Variants in UBN2 observed in about 807,000 individuals in gnomAD.
UBN2 encodes the protein ubinuclein 2.
UBN2 carries 35 observed loss-of-function variants against 120.2 expected under a neutral mutation model. That is an observed-to-expected ratio of 0.29 (90% CI 0.22 to 0.39). The LOEUF (loss-of-function observed/expected upper bound fraction) is 0.39. Ranked by LOEUF, UBN2 falls within the 10% of genes least tolerant of loss-of-function variation. The pLI is 1.00. For missense variants in UBN2, 1,693 were observed against 1,663.2 expected, an observed-to-expected ratio of 1.02 and a Z score of -0.31; for synonymous variants, 661 against 648.7, an observed-to-expected ratio of 1.02 and a Z score of -0.29.
chr7:139,252,801 A>C (rs1796656755), intron 3 of UBN2, among the ~76,000 whole-genome samples: 3 of 152,210 alleles, frequency 2.0e-5, no homozygotes, highest in Non-Finnish European at 4.4e-5. Flanking sequence ...AAAAGAGAAA[A>C]AGGAAAATCA....
At chr7:139,268,805 A>G (rs1181410033) in intron 7 of UBN2, among the ~76,000 whole-genome samples, 4 of 152,200 alleles carry the variant, frequency 2.6e-5, no homozygotes, top group African/African-American at 7.2e-5. Context: ...ACCCAAAACC[A>G]TAGAGTTTGC....
At chr7:139,271,079 G>T (rs1797257080) in intron 8 of UBN2, among the ~76,000 whole-genome samples, 2 of 152,024 alleles carry the variant, frequency 1.3e-5, no homozygotes, top group Admixed American at 1.3e-4. Flanking sequence ...ACTGCGCCTG[G>T]CCAGATGTTC....
chr7:139,327,377 G>T, the UBN2 span, among the ~76,000 whole-genome samples: 1 of 152,200 alleles, frequency 6.6e-6, no homozygotes, highest in African/African-American at 2.4e-5. Flanking sequence ...AGTCTATTTT[G>T]TGTTACTATC....
chr7:139,262,333 CAAGTG>C (rs1796963294), intron 6 of UBN2, among the ~76,000 whole-genome samples: 1 of 152,076 alleles, frequency 6.6e-6, no homozygotes, highest in Non-Finnish European at 1.5e-5. Flanking sequence ...TTCCTGACCT[CAAGTG>C]ATCTGCCTGC....
chr7:139,244,834 T>C (rs977957865), intron 2 of UBN2, among the ~76,000 whole-genome samples: 1 of 152,168 alleles, frequency 6.6e-6, no homozygotes, highest in African/African-American at 2.4e-5. Context: ...TTAGTGAACA[T>C]TGATAGCACC....
chr7:139,289,036 G>T (rs986998007), intron 15 of UBN2, among the ~76,000 whole-genome samples: 1 of 151,786 alleles, frequency 6.6e-6, no homozygotes, highest in East Asian at 1.9e-4. Context: ...GCCCACTACG[G>T]GAAGAGCAAG....
chr7:139,262,790 A>G (rs1028262010), intron 6 of UBN2, among the ~76,000 whole-genome samples: 2 of 151,606 alleles, frequency 1.3e-5, no homozygotes, highest in Non-Finnish European at 2.9e-5. Flanking sequence ...TTCTTTTATT[A>G]TTAAACAGCG....
At chr7:139,281,354 A>G (rs1000132512) in intron 13 of UBN2, among the ~76,000 whole-genome samples, 21 of 152,218 alleles carry the variant, frequency 1.4e-4, no homozygotes, top group Admixed American at 1.1e-3. Context: ...TGCCTACAAA[A>G]GAAAATGCAA....
chr7:139,330,004 C>T, the UBN2 span, among the ~76,000 whole-genome samples: 1 of 152,126 alleles, frequency 6.6e-6, no homozygotes, highest in African/African-American at 2.4e-5. Flanking sequence ...CTCATGCTGG[C>T]TCCACAAGGC....
At chr7:139,276,245 A>C in intron 12 of UBN2, 98 bp downstream of exon 12, 1 of 1,145,986 alleles carries the variant, frequency 8.7e-7, no homozygotes, top group Non-Finnish European at 1.3e-6. Context: ...AATAGGACTT[A>C]AAAAGATCAT....
the UBN2 span, among the ~76,000 whole-genome samples, chr7:139,324,729 G>A: frequency 8.5e-5 from 13 of 152,050 alleles, no homozygotes; most frequent in Non-Finnish European, 1.8e-4. Flanking sequence ...CCAGCACTTC[G>A]GGAGGCTGAG....
In UBN2 at chr7:139,282,014, G is replaced by A. The variant is rs367779745; in HGVS notation, c.2077G>A (p.Val693Ile). 3.0e-5 allele frequency: 48 copies of A among 1,613,224 alleles called. No homozygotes were observed. The highest frequency in any genetic ancestry group is 4.0e-5 in the Non-Finnish European group (47 of 1,179,498). ...APKPKVKEVM[V>I]KTLPLHSFPT... ...TTATGTAATACCTTAGGAGGTGATG[G>A]TAAAGACCCTTCCTCTCCATTCTTT... Residue 693 changes from valine (V) to isoleucine (I), a missense_variant, in exon 14 of 18, where the codon GTA becomes ATA. Coordinates refer to ENST00000473989, the MANE Select transcript of UBN2 (RefSeq NM_173569.4).
chr7:139,257,098 T>C (rs1301849389), intron 3 of UBN2, among the ~76,000 whole-genome samples: 2 of 152,206 alleles, frequency 1.3e-5, no homozygotes, highest in Admixed American at 6.5e-5. Flanking sequence ...GTAACAGATA[T>C]CTTTCTACAA....
intron 17 of UBN2, among the ~76,000 whole-genome samples, chr7:139,295,090 T>C (rs1003586004): frequency 6.1e-5 from 9 of 146,910 alleles, no homozygotes; most frequent in Non-Finnish European, 1.1e-4. Flanking sequence ...AGGCCTCACT[T>C]TTTTTTTTTT....
At chr7:139,320,055 G>C in the UBN2 span, among the ~76,000 whole-genome samples, 2 of 150,156 alleles carry the variant, frequency 1.3e-5, no homozygotes, top group African/African-American at 2.5e-5. Context: ...CAGCCTGGGT[G>C]ACAGAGCGAG....
rs1796640298 is a variant in UBN2, at chr7:139,252,185, C to G, written c.663+128C>G. 5.1e-6 allele frequency: 3 copies of G among 590,364 alleles called. No homozygotes were observed. The East Asian group carries it at 9.2e-5, about 18-fold the overall frequency. 36.6% of individuals were successfully genotyped at this position (590,364 alleles called of 1,614,324 possible). Reference sequence around the variant, plus strand: ...GTGCTTTTTAAAGCCATGTTCACTACTTAAAGATTTCTTTACCCTTTTTTT... The same window carrying G: ...GTGCTTTTTAAAGCCATGTTCACTAGTTAAAGATTTCTTTACCCTTTTTTT... On this transcript the variant is annotated intron_variant, in intron 3 of 17. Coordinates refer to ENST00000473989, the MANE Select transcript of UBN2 (RefSeq NM_173569.4).
Position 139,289,414 on chromosome 7 carries a change from C to CTTTTTTTTTTTTTTTTTTTTTTTTTTTTT in UBN2, c.3670-3802_3670-3801insTTTTTTTTTTTTTTTTTTTTTTTTTTTTT, listed in dbSNP as rs1161484759. ...ATTGCCCTCCCTAATTTACATTTTGCTTTTTTTTTTTTTTTTGAGACAGGG... is the reference window on the plus strand; with the variant it reads ...ATTGCCCTCCCTAATTTACATTTTGCTTTTTTTTTTTTTTTTTTTTTTTTTTTTTTTTTTTTTTTTTTTTTGAGACAGGG... On this transcript the variant is annotated intron_variant, in intron 15 of 17. Coordinates refer to ENST00000473989, the MANE Select transcript of UBN2 (RefSeq NM_173569.4). 6.4e-5 allele frequency among the ~76,000 whole-genome samples: 8 copies of CTTTTTTTTTTTTTTTTTTTTTTTTTTTTT among 125,834 alleles called. 1 individual carries two copies. The highest frequency in any genetic ancestry group is 1.9e-4 in the African/African-American group (6 of 32,132). 82.6% of individuals were successfully genotyped at this position (125,834 alleles called of 152,430 possible). A position where few individuals can be genotyped will look rare whatever the true frequency, so the allele number is the denominator to read the frequency against.
rs1442900548 is a variant in UBN2 at position 139,305,980 on chromosome 7, A to G, written c.*8144A>G. 6.6e-6 allele frequency: 1 copy of G among 152,148 alleles called. No homozygotes were observed. The highest frequency in any genetic ancestry group is 1.5e-5 in the Non-Finnish European group (1 of 68,022). 9.4% of individuals were successfully genotyped at this position (152,148 alleles called of 1,614,324 possible). ...TCAAATTTTATGTTTGTTCCTCACA[A>G]AATTTTCTACACATTATTTGTTCCC... On this transcript the variant is annotated 3_prime_UTR_variant, in exon 18 of 18. Transcript: ENST00000473989.
chr7:139,316,601 G>T, the UBN2 span, among the ~76,000 whole-genome samples: 3 of 152,046 alleles, frequency 2.0e-5, no homozygotes, highest in Non-Finnish European at 2.9e-5. Flanking sequence ...AAACTTAGCT[G>T]GGCATGGTGG....
Sources: allele counts gnomAD v4.1 joint callset (sites outside exome capture counted in the v4.1 genomes callset), GRCh38; gene constraint gnomAD v4.1.1; transcripts MANE v1.5; gene names NCBI Gene and HGNC (gene_info 2026-07-23, HGNC 2026-07-21).